CNTNAP2: variants seen among roughly 807,000 people sequenced by gnomAD.
The protein encoded by CNTNAP2 is contactin associated protein 2, also known as contactin-associated protein-like 2.
CNTNAP2 carries 98 observed loss-of-function variants against 155.2 expected under a neutral mutation model. That is an observed-to-expected ratio of 0.63 (90% CI 0.54 to 0.75). CNTNAP2 has a LOEUF of 0.75. Among genes scored for constraint, CNTNAP2 ranks in the 30% least tolerant of loss-of-function variants. The pLI, the probability that CNTNAP2 is intolerant of heterozygous loss-of-function variation, is 0.00. For synonymous variants in CNTNAP2, 651 were observed against 631.2 expected, an observed-to-expected ratio of 1.03 and a Z score of -0.47; for missense variants, 1,727 against 1,688.1, an observed-to-expected ratio of 1.02 and a Z score of -0.40.
chr7:148,225,763 G>A (rs1172822563), intron 19 of CNTNAP2, among the ~76,000 whole-genome samples: 1 of 152,178 alleles, frequency 6.6e-6, no homozygotes, highest in African/African-American at 2.4e-5. Flanking sequence ...CAAGTGGTAA[G>A]ATTCAGGGCA....
chr7:147,135,919 A>C (rs1801468302), intron 8 of CNTNAP2, among the ~76,000 whole-genome samples: 1 of 151,736 alleles, frequency 6.6e-6, no homozygotes. Flanking sequence ...TGGAAGTATT[A>C]ACTCCATCAC....
chr7:146,153,032 A>G (rs1798074477), intron 1 of CNTNAP2, among the ~76,000 whole-genome samples: 1 of 152,148 alleles, frequency 6.6e-6, no homozygotes, highest in African/African-American at 2.4e-5. Flanking sequence ...TTGTCCTCAT[A>G]GGGTTTCGTG....
intron 1 of CNTNAP2, among the ~76,000 whole-genome samples, chr7:146,182,579 C>A (rs1584790660): frequency 6.6e-6 from 1 of 152,140 alleles, no homozygotes; most frequent in Non-Finnish European, 1.5e-5. Flanking sequence ...GTTTATGCAT[C>A]TTTTCTTATC....
intron 8 of CNTNAP2, among the ~76,000 whole-genome samples, chr7:147,280,336 G>C (rs1157439747): frequency 2.0e-5 from 3 of 151,832 alleles, no homozygotes; most frequent in Admixed American, 1.3e-4. Flanking sequence ...CAAAAACAGA[G>C]GTCACACATC....
intron 4 of CNTNAP2, among the ~76,000 whole-genome samples, chr7:147,070,616 G>T (rs1005755953): frequency 2.6e-5 from 4 of 152,152 alleles, no homozygotes; most frequent in African/African-American, 9.7e-5. Flanking sequence ...GTGGTTCCAG[G>T]GAATTTGAAG....
chr7:146,742,092 C>T (rs1049931389), intron 1 of CNTNAP2, among the ~76,000 whole-genome samples: 1 of 150,686 alleles, frequency 6.6e-6, no homozygotes, highest in Non-Finnish European at 1.5e-5. Flanking sequence ...AAAATTTAAG[C>T]TAGTTTTGGC....
chr7:146,301,142 G>A (rs1161095894), intron 1 of CNTNAP2, among the ~76,000 whole-genome samples: 2 of 152,110 alleles, frequency 1.3e-5, no homozygotes, highest in Non-Finnish European at 2.9e-5. Context: ...AGCAAATGCT[G>A]TTTATAATAA....
chr7:147,934,598 A>T (rs1034055653), intron 14 of CNTNAP2, among the ~76,000 whole-genome samples: 1 of 152,154 alleles, frequency 6.6e-6, no homozygotes, highest in South Asian at 2.1e-4. Context: ...CAAACAAAAA[A>T]CTAGAAAGAA....
At chr7:148,307,702 G>A (rs929121262) in intron 21 of CNTNAP2, among the ~76,000 whole-genome samples, 3 of 152,088 alleles carry the variant, frequency 2.0e-5, no homozygotes, top group Non-Finnish European at 2.9e-5. Flanking sequence ...GCATGGTAGC[G>A]CATGCCGGTA....
intron 8 of CNTNAP2, among the ~76,000 whole-genome samples, chr7:147,165,461 C>T (rs1225126867): frequency 6.6e-6 from 1 of 152,120 alleles, no homozygotes; most frequent in Non-Finnish European, 1.5e-5. Context: ...TGTCTGTTTA[C>T]TCTGCTGACT....
chr7:146,916,524 T>A (rs1450745289), intron 3 of CNTNAP2, among the ~76,000 whole-genome samples: 1 of 152,150 alleles, frequency 6.6e-6, no homozygotes, highest in Non-Finnish European at 1.5e-5. Context: ...ATTGGTCTGT[T>A]CAGAGTTTCT....
intron 1 of CNTNAP2, among the ~76,000 whole-genome samples, chr7:146,765,342 A>G (rs1802176274): frequency 2.0e-5 from 3 of 152,198 alleles, no homozygotes; most frequent in Admixed American, 2.0e-4. Context: ...TCTATGTGTA[A>G]GATCATGGGA....
intron 14 of CNTNAP2, among the ~76,000 whole-genome samples, chr7:147,938,907 TCA>T (rs1369877088): frequency 6.6e-6 from 1 of 152,208 alleles, no homozygotes; most frequent in African/African-American, 2.4e-5. Context: ...AGGCTACTCA[TCA>T]CAGAGTCCTT....
At chr7:147,311,811 C>A (rs1454981803) in intron 9 of CNTNAP2, among the ~76,000 whole-genome samples, 4 of 152,010 alleles carry the variant, frequency 2.6e-5, no homozygotes, top group African/African-American at 9.7e-5. Context: ...CTTTTTTGAA[C>A]TGCTGGAAAT....
At chr7:146,629,231 T>A (rs1389004361) in intron 1 of CNTNAP2, among the ~76,000 whole-genome samples, 2 of 152,242 alleles carry the variant, frequency 1.3e-5, no homozygotes, top group South Asian at 2.1e-4. Flanking sequence ...CAGTTACCCC[T>A]CTCACTCCTC....
chr7:147,511,366 A>G (rs1218488129), intron 11 of CNTNAP2, among the ~76,000 whole-genome samples: 1 of 152,022 alleles, frequency 6.6e-6, no homozygotes, highest in Admixed American at 6.6e-5. Context: ...TAATGATTCC[A>G]CTATTTAATT....
chr7:147,410,742 C>A (rs1797089876), intron 10 of CNTNAP2, among the ~76,000 whole-genome samples: 1 of 76,006 alleles, frequency 1.3e-5, no homozygotes, highest in Non-Finnish European at 3.7e-5. Flanking sequence ...ATACTTCATA[C>A]ACACACAGGA....
intron 1 of CNTNAP2, among the ~76,000 whole-genome samples, chr7:146,545,254 T>A (rs12703821): frequency 0.62 from 94,461 of 151,776 alleles, 30,259 homozygotes; most frequent in African/African-American, 0.72. Flanking sequence ...TTTGGAGAAG[T>A]GTAGGATGAC....
intron 13 of CNTNAP2, among the ~76,000 whole-genome samples, chr7:147,805,365 TA>T (rs1174517893): frequency 1.3e-5 from 2 of 152,234 alleles, no homozygotes; most frequent in African/African-American, 2.4e-5. Context: ...TTATATCATC[TA>T]AAAACAAGGA....
Sources: gnomAD v4.1 joint callset for allele counts (sites outside exome capture counted in the v4.1 genomes callset) on GRCh38, gnomAD v4.1.1 for gene constraint, MANE v1.5 for transcripts, NCBI Gene and HGNC (gene_info 2026-07-23, HGNC 2026-07-21) for gene names.